LRMDA: variants seen among roughly 807,000 people sequenced by gnomAD.
LRMDA encodes leucine rich melanocyte differentiation associated, also known as leucine-rich melanocyte differentiation-associated protein.
A neutral mutation model predicts 29.8 loss-of-function variants in LRMDA; 18 were observed. The observed-to-expected ratio is 0.60, with a 90% confidence interval of 0.42 to 0.90. The LOEUF is 0.90. Among genes scored for constraint, LRMDA ranks in the 40% least tolerant of loss-of-function variants. LRMDA has a pLI of 0.00. For missense variants in LRMDA, 273 were observed against 273.9 expected (o/e 1.00, Z 0.02); for synonymous variants, 125 against 109.4 (o/e 1.14, Z -0.89).
intron 2 of LRMDA, among the ~76,000 whole-genome samples, chr10:75,840,593 G>A (rs1348015240): frequency 2.0e-5 from 3 of 152,166 alleles, no homozygotes; most frequent in Admixed American, 1.3e-4. Flanking sequence ...GAGTGAGCAC[G>A]CACGTGTGTT....
intron 6 of LRMDA, among the ~76,000 whole-genome samples, chr10:76,538,072 C>A (rs992550105): frequency 2.9e-4 from 44 of 152,258 alleles, no homozygotes; most frequent in African/African-American, 9.1e-4. Flanking sequence ...TAATTAATTT[C>A]TTTGTATAGT....
chr10:76,471,741 A>G (rs1050732757), intron 6 of LRMDA, among the ~76,000 whole-genome samples: 3 of 151,810 alleles, frequency 2.0e-5, no homozygotes, highest in African/African-American at 7.2e-5. Flanking sequence ...TGTATCATGC[A>G]AACAACAACA....
intron 2 of LRMDA, among the ~76,000 whole-genome samples, chr10:75,603,498 G>A (rs867755183): frequency 1.8e-4 from 28 of 152,178 alleles, no homozygotes; most frequent in African/African-American, 5.8e-4. Flanking sequence ...GAATGGAAGT[G>A]TAAAATGGAA....
chr10:75,998,248 T>C (rs1236442231), intron 2 of LRMDA, among the ~76,000 whole-genome samples: 3 of 152,196 alleles, frequency 2.0e-5, no homozygotes, highest in African/African-American at 7.2e-5. Context: ...CTATAGTATT[T>C]GTTTTGACCA....
At chr10:76,363,153 GA>G (rs1349753798) in intron 6 of LRMDA, among the ~76,000 whole-genome samples, 29 of 39,390 alleles carry the variant, frequency 7.4e-4, no homozygotes, top group Admixed American at 1.1e-3. Context: ...AAGAAAGAAA[GA>G]AAGAAAGAAA....
rs181584704 is a variant in LRMDA at position 76,449,500 on chromosome 10, A to T, written c.602-107709A>T. ...TTGTTTCAATAAAACCATCTTTTAC[A>T]TTTTATTTAAATATTTTTGGTGAGC... is the stretch of plus-strand genomic sequence containing the variant. On this transcript the variant is annotated intron_variant, in intron 6 of 6. Coordinates refer to ENST00000611255, the MANE Select transcript of LRMDA (RefSeq NM_001305581.2). Among the ~76,000 whole-genome samples, 60 of 151,922 alleles carry T rather than the reference A, an allele frequency of 3.9e-4. No homozygotes were observed. In the East Asian group the frequency reaches 9.8e-3, roughly 25 times the overall value.
chr10:75,625,172 A>T (rs911137031), intron 2 of LRMDA, among the ~76,000 whole-genome samples: 1 of 152,184 alleles, frequency 6.6e-6, no homozygotes, highest in African/African-American at 2.4e-5. Flanking sequence ...GACCTTCCTG[A>T]TGGTAGTGAT....
chr10:76,317,946 T>C (rs1404395388), intron 5 of LRMDA, among the ~76,000 whole-genome samples: 1 of 152,212 alleles, frequency 6.6e-6, no homozygotes, highest in Non-Finnish European at 1.5e-5. Context: ...CCACAACCTA[T>C]GTATTATTTT....
At chr10:75,510,103 C>T (rs1033783985) in intron 2 of LRMDA, among the ~76,000 whole-genome samples, 2 of 152,234 alleles carry the variant, frequency 1.3e-5, no homozygotes, top group African/African-American at 4.8e-5. Context: ...CTGAGCTTTG[C>T]ATTTCCCTTT....
intron 5 of LRMDA, among the ~76,000 whole-genome samples, chr10:76,076,040 CAA>C (rs1848950510): frequency 1.3e-5 from 2 of 152,030 alleles, no homozygotes. Context: ...GCTTCGTGCC[CAA>C]TAAAGACTTA....
intron 2 of LRMDA, among the ~76,000 whole-genome samples, chr10:75,883,758 C>T (rs377122583): frequency 6.6e-5 from 10 of 151,364 alleles, no homozygotes; most frequent in South Asian, 4.2e-4. Flanking sequence ...AATTTAATGA[C>T]GACAATTTCC....
chr10:75,953,232 C>T (rs1846607850), intron 2 of LRMDA, among the ~76,000 whole-genome samples: 1 of 152,060 alleles, frequency 6.6e-6, no homozygotes, highest in Admixed American at 6.5e-5. Context: ...ACCACCATGC[C>T]CAGCTAATCG....
chr10:76,420,610 A>T (rs1842062661), intron 6 of LRMDA, among the ~76,000 whole-genome samples: 1 of 151,974 alleles, frequency 6.6e-6, no homozygotes, highest in Non-Finnish European at 1.5e-5. Context: ...CTTAGGATGA[A>T]TAATTAGATC....
intron 5 of LRMDA, among the ~76,000 whole-genome samples, chr10:76,156,563 GA>G (rs5786218): frequency 3.3e-5 from 5 of 149,692 alleles, no homozygotes; most frequent in East Asian, 2.0e-4. Flanking sequence ...AAGAGTTGCT[GA>G]AAAAAAAAAT....
intron 2 of LRMDA, among the ~76,000 whole-genome samples, chr10:75,459,890 A>C (rs183093500): frequency 6.6e-6 from 1 of 152,340 alleles, no homozygotes; most frequent in African/African-American, 2.4e-5. Context: ...CCATTCATGA[A>C]GGTGGAGTCC....
intron 2 of LRMDA, among the ~76,000 whole-genome samples, chr10:75,729,360 ATTT>A (rs1842668153): frequency 6.6e-6 from 1 of 152,218 alleles, no homozygotes; most frequent in Non-Finnish European, 1.5e-5. Flanking sequence ...AAGAAGACAG[ATTT>A]CTCACTGGAT....
intron 5 of LRMDA, among the ~76,000 whole-genome samples, chr10:76,142,717 T>A (rs1414216395): frequency 6.7e-6 from 1 of 149,092 alleles, no homozygotes; most frequent in Non-Finnish European, 1.5e-5. Flanking sequence ...ATACTTTAAG[T>A]TTTAGGGTAC....
At chr10:76,067,731 G>T (rs1489632583) in intron 5 of LRMDA, among the ~76,000 whole-genome samples, 1 of 152,152 alleles carries the variant, frequency 6.6e-6, no homozygotes, top group Non-Finnish European at 1.5e-5. Flanking sequence ...GAATAAGTTG[G>T]AAATGCAGGG....
intron 5 of LRMDA, among the ~76,000 whole-genome samples, chr10:76,300,145 A>T (rs1840462765): frequency 6.6e-6 from 1 of 152,254 alleles, no homozygotes; most frequent in Non-Finnish European, 1.5e-5. Context: ...ATATATGACT[A>T]ACCATGTACC....
Sources: allele counts gnomAD v4.1 joint callset (sites outside exome capture counted in the v4.1 genomes callset), GRCh38; gene constraint gnomAD v4.1.1; transcripts MANE v1.5; gene names NCBI Gene and HGNC (gene_info 2026-07-23, HGNC 2026-07-21).